The following FBXW11 variants were observed in gnomAD, a reference collection of about 807,000 sequenced individuals.
FBXW11 encodes the protein F-box and WD repeat domain containing 11.
A neutral mutation model predicts 77.6 loss-of-function variants in FBXW11; 19 were observed. The ratio of observed to expected loss-of-function variants is 0.24; its 90% confidence interval spans 0.17 to 0.36. The LOEUF (loss-of-function observed/expected upper bound fraction) is 0.36. Ranked by LOEUF, FBXW11 falls within the 10% of genes least tolerant of loss-of-function variation. FBXW11 has a pLI of 1.00. For missense variants in FBXW11, 334 were observed against 704.2 expected, an observed-to-expected ratio of 0.47 and a Z score of 5.95; for synonymous variants, 235 against 249.4, an observed-to-expected ratio of 0.94 and a Z score of 0.54.
intron 3 of FBXW11, among the ~76,000 whole-genome samples, chr5:171,911,890 T>C (rs1380794423): frequency 6.6e-6 from 1 of 152,196 alleles, no homozygotes; most frequent in Non-Finnish European, 1.5e-5. Context: ...CAAAATAACC[T>C]CAATACTTTT....
intron 2 of FBXW11, among the ~76,000 whole-genome samples, chr5:171,955,526 G>A (rs1296620848): frequency 6.6e-6 from 1 of 152,178 alleles, no homozygotes; most frequent in Non-Finnish European, 1.5e-5. Context: ...ACTGTTTGGA[G>A]ACTGGAGGTA....
At chr5:171,907,899 GAA>G (rs982688557) in intron 4 of FBXW11, among the ~76,000 whole-genome samples, 1 of 152,184 alleles carries the variant, frequency 6.6e-6, no homozygotes, top group Admixed American at 6.5e-5. Flanking sequence ...AAAATCAAGA[GAA>G]CTTCAACAGT....
intron 4 of FBXW11, among the ~76,000 whole-genome samples, chr5:171,909,585 T>C (rs1280145256): frequency 2.0e-5 from 3 of 152,224 alleles, no homozygotes; most frequent in African/African-American, 7.2e-5. Flanking sequence ...GTTATGTGAA[T>C]ATGGGAATTC....
intron 2 of FBXW11, among the ~76,000 whole-genome samples, chr5:171,930,370 T>C (rs1459465314): frequency 2.6e-5 from 4 of 152,148 alleles, no homozygotes; most frequent in Non-Finnish European, 5.9e-5. Context: ...AGGAACAAGG[T>C]AAGAATGTTC....
At chr5:171,994,265 C>G (rs1187504707) in intron 1 of FBXW11, among the ~76,000 whole-genome samples, 2 of 152,112 alleles carry the variant, frequency 1.3e-5, no homozygotes, top group Non-Finnish European at 2.9e-5. Flanking sequence ...CACCTTTGTC[C>G]CTTACAAGAT....
intron 6 of FBXW11, among the ~76,000 whole-genome samples, chr5:171,893,869 G>A (rs1759556596): frequency 6.6e-6 from 1 of 152,098 alleles, no homozygotes; most frequent in Admixed American, 6.5e-5. Context: ...GCTTTAAAAT[G>A]ACACTGAAGC....
At chr5:171,944,520 T>TGA (rs1207153012) in intron 2 of FBXW11, among the ~76,000 whole-genome samples, 1 of 133,414 alleles carries the variant, frequency 7.5e-6, no homozygotes, top group Non-Finnish European at 1.5e-5. Context: ...GAGCCTGCAG[T>TGA]GAGCGGAGAT....
At chr5:171,965,971 T>C (rs189471309) in intron 1 of FBXW11, among the ~76,000 whole-genome samples, 18 of 152,264 alleles carry the variant, frequency 1.2e-4, no homozygotes, top group African/African-American at 4.3e-4. Flanking sequence ...TGTGTGGAAC[T>C]TCCCCCTTCT....
intron 7 of FBXW11, among the ~76,000 whole-genome samples, chr5:171,889,760 T>C (rs925978788): frequency 2.0e-5 from 3 of 151,848 alleles, no homozygotes; most frequent in African/African-American, 7.3e-5. Flanking sequence ...TGGTGGCTCA[T>C]GCCTATAATC....
intron 1 of FBXW11, among the ~76,000 whole-genome samples, chr5:171,980,119 G>T (rs1012554087): frequency 6.6e-6 from 1 of 152,154 alleles, no homozygotes; most frequent in East Asian, 1.9e-4. Flanking sequence ...GCTAAATTGT[G>T]GGAGCTAAGA....
chr5:171,969,331 T>A (rs1415133904), intron 1 of FBXW11, among the ~76,000 whole-genome samples: 1 of 152,134 alleles, frequency 6.6e-6, no homozygotes, highest in Non-Finnish European at 1.5e-5. Flanking sequence ...GTAATGAACA[T>A]TCTCATTTTT....
At chr5:171,960,097 C>T (rs1251189423) in intron 1 of FBXW11, among the ~76,000 whole-genome samples, 1 of 152,136 alleles carries the variant, frequency 6.6e-6, no homozygotes. Context: ...TACACCTAGC[C>T]AGGTGAGGTG....
At chr5:171,918,850 A>G (rs1481374286) in intron 2 of FBXW11, among the ~76,000 whole-genome samples, 1 of 152,180 alleles carries the variant, frequency 6.6e-6, no homozygotes, top group South Asian at 2.1e-4. Flanking sequence ...AGAATCAAAA[A>G]TGTCTCCAGA....
At chr5:171,898,334 TG>T (rs1487221697) in intron 6 of FBXW11, among the ~76,000 whole-genome samples, 1 of 152,218 alleles carries the variant, frequency 6.6e-6, no homozygotes, top group Admixed American at 6.5e-5. Context: ...AACCAAGACC[TG>T]CCAAGAACAC....
At chr5:171,983,137 C>T (rs950028625) in intron 1 of FBXW11, among the ~76,000 whole-genome samples, 1 of 152,124 alleles carries the variant, frequency 6.6e-6, no homozygotes, top group African/African-American at 2.4e-5. Flanking sequence ...CTGTGGTGAG[C>T]TGTTTGTGCC....
At chr5:171,966,619 A>G (rs1453557173) in intron 1 of FBXW11, among the ~76,000 whole-genome samples, 1 of 152,216 alleles carries the variant, frequency 6.6e-6, no homozygotes, top group Non-Finnish European at 1.5e-5. Flanking sequence ...AGGTTAAATC[A>G]GTCTGAACCC....
intron 7 of FBXW11, among the ~76,000 whole-genome samples, chr5:171,890,366 C>CA (rs1322101751): frequency 6.6e-6 from 1 of 150,558 alleles, no homozygotes; most frequent in African/African-American, 2.4e-5. Context: ...CTACTAAAAA[C>CA]AAAAAAATTA....
At chr5:171,955,827 A>G (rs1763579110) in intron 2 of FBXW11, among the ~76,000 whole-genome samples, 2 of 152,174 alleles carry the variant, frequency 1.3e-5, no homozygotes, top group South Asian at 4.1e-4. Context: ...AAAAAAAAAA[A>G]AATCTTTTTT....
At chr5:171,912,936 G>A (rs967518639) in intron 3 of FBXW11, among the ~76,000 whole-genome samples, 10 of 151,530 alleles carry the variant, frequency 6.6e-5, no homozygotes, top group Non-Finnish European at 7.4e-5. Flanking sequence ...TATTTTTATA[G>A]CAACAGAACA....
Sources: allele counts gnomAD v4.1 joint callset (sites outside exome capture counted in the v4.1 genomes callset), GRCh38; gene constraint gnomAD v4.1.1; transcripts MANE v1.5; gene names NCBI Gene and HGNC (gene_info 2026-07-23, HGNC 2026-07-21).